SEMA5A: variants seen among roughly 807,000 people sequenced by gnomAD.
The protein encoded by SEMA5A is semaphorin-5A.
A neutral mutation model predicts 135.5 loss-of-function variants in SEMA5A; 55 were observed. The ratio of observed to expected loss-of-function variants is 0.41; its 90% CI spans 0.33 to 0.51. The LOEUF (loss-of-function observed/expected upper bound fraction) is 0.51, where lower values mean the gene tolerates loss of function less well. Ranked by LOEUF, SEMA5A falls within the 20% of genes least tolerant of loss-of-function variation. The pLI is 0.37. For missense variants in SEMA5A, 1,290 were observed against 1,419.9 expected (o/e 0.91, Z 1.47); for synonymous variants, 580 against 546.5 (o/e 1.06, Z -0.85).
chr5:9,094,033 A>C (rs994287919), intron 16 of SEMA5A, among the ~76,000 whole-genome samples: 3 of 152,198 alleles, frequency 2.0e-5, no homozygotes, highest in African/African-American at 7.2e-5. Flanking sequence ...GTGTTCTCTC[A>C]TAATTGCTCT....
chr5:9,184,802 A>C (rs1744718946), intron 11 of SEMA5A, among the ~76,000 whole-genome samples: 1 of 152,018 alleles, frequency 6.6e-6, no homozygotes, highest in Non-Finnish European at 1.5e-5. Flanking sequence ...TTTGTGGCAC[A>C]TGTCCTGCTC....
chr5:9,160,262 G>A (rs1743179978), intron 11 of SEMA5A, among the ~76,000 whole-genome samples: 1 of 152,114 alleles, frequency 6.6e-6, no homozygotes, highest in African/African-American at 2.4e-5. Context: ...AGGACAAGCA[G>A]AGGCACATCT....
chr5:9,183,116 A>G (rs992965471), intron 11 of SEMA5A, among the ~76,000 whole-genome samples: 1 of 152,104 alleles, frequency 6.6e-6, no homozygotes, highest in Non-Finnish European at 1.5e-5. Context: ...TGGGGGTGCA[A>G]TCCCAGGGCT....
intron 8 of SEMA5A, among the ~76,000 whole-genome samples, chr5:9,221,494 G>C (rs40672): frequency 1.8e-4 from 27 of 150,220 alleles, no homozygotes; most frequent in Non-Finnish European, 2.8e-4. Context: ...AGTAGAGACG[G>C]GGTTTCACAG....
At chr5:9,210,129 T>A (rs963632239) in intron 8 of SEMA5A, among the ~76,000 whole-genome samples, 1 of 152,214 alleles carries the variant, frequency 6.6e-6, no homozygotes, top group East Asian at 1.9e-4. Flanking sequence ...CATGCAAGTA[T>A]CCCCATAATG....
At position 9,041,958 on chromosome 5, in the gene SEMA5A, C is replaced by CTT. The variant is rs1279120204; in HGVS notation, c.*937_*938dup. Reference sequence around the variant, plus strand: ...TAGTTATAATTTAGTATTTTCAATACTTTCACTAATTGACATCATAAATGT... The same window carrying CTT: ...TAGTTATAATTTAGTATTTTCAATACTTTTTCACTAATTGACATCATAAATGT... On this transcript the variant is annotated 3_prime_UTR_variant, in exon 23 of 23. Coordinates refer to ENST00000382496, the MANE Select transcript of SEMA5A (RefSeq NM_003966.3). 1 of 152,536 alleles carries CTT rather than the reference C, an allele frequency of 6.6e-6. No individual in the cohort carries two copies. The highest frequency in any genetic ancestry group is 2.4e-5 in the African/African-American group (1 of 41,430). 9.4% of individuals were successfully genotyped at this position (152,536 alleles called of 1,614,324 possible).
intron 2 of SEMA5A, among the ~76,000 whole-genome samples, chr5:9,424,227 G>C (rs534644804): frequency 6.6e-6 from 1 of 152,188 alleles, no homozygotes; most frequent in Non-Finnish European, 1.5e-5. Context: ...ATATTTCATT[G>C]TAAGAGTCTG....
At chr5:9,162,561 T>TAC in intron 11 of SEMA5A, among the ~76,000 whole-genome samples, 1 of 35,742 alleles carries the variant, frequency 2.8e-5, no homozygotes, top group African/African-American at 1.1e-4. Context: ...TGTGTGTGTG[T>TAC]GTGTATATAT....
In SEMA5A at chr5:9,154,572, T is replaced by C. The variant is rs908757007; in HGVS notation, c.1397A>G (p.His466Arg). ...GCCCACGAACAGGACACTCTGGCTG[T>C]GCAGGATCTGCAGGCTCCTGATGGG... ...REPIRSLQIL[H>R]SQSVLFVGLR... The change falls in exon 12 of 23, where the codon CAC becomes CGC. Residue 466 changes from histidine to arginine, a missense_variant. Coordinates refer to ENST00000382496, the MANE Select transcript of SEMA5A (RefSeq NM_003966.3). 2.5e-6 allele frequency: 4 copies of C among 1,613,524 alleles called. No homozygotes were observed. Among genetic ancestry groups the C allele is most frequent in the East Asian group, 2.2e-5 (1 of 44,862 alleles).
intron 4 of SEMA5A, among the ~76,000 whole-genome samples, chr5:9,334,039 C>T (rs147506690): frequency 2.6e-5 from 4 of 152,062 alleles, no homozygotes; most frequent in Non-Finnish European, 5.9e-5. Context: ...AAGTACCTTC[C>T]GATTCTCCAT....
At chr5:9,535,291 T>G (rs1737698567) in intron 1 of SEMA5A, among the ~76,000 whole-genome samples, 1 of 152,258 alleles carries the variant, frequency 6.6e-6, no homozygotes, top group African/African-American at 2.4e-5. Context: ...TGATTTCTTT[T>G]CGCAAGCTGG....
chr5:9,062,714 G>A (rs1737249310), intron 18 of SEMA5A, among the ~76,000 whole-genome samples, 173 bp downstream of exon 18: 1 of 152,112 alleles, frequency 6.6e-6, no homozygotes, highest in Non-Finnish European at 1.5e-5. Flanking sequence ...CCCCTCTCTG[G>A]CCTCACAAAG....
chr5:9,389,214 C>T (rs1176291005), intron 2 of SEMA5A, among the ~76,000 whole-genome samples: 1 of 152,116 alleles, frequency 6.6e-6, no homozygotes, highest in Admixed American at 6.5e-5. Flanking sequence ...TCACATCTGG[C>T]ATTCTCCTCG....
chr5:9,304,499 A>T (rs1316893148), intron 5 of SEMA5A, among the ~76,000 whole-genome samples: 2 of 109,674 alleles, frequency 1.8e-5, no homozygotes, highest in African/African-American at 5.7e-5. Context: ...CAATTCATAA[A>T]GAAATCTGCA....
chr5:9,424,525 C>G (rs1193208810), intron 2 of SEMA5A, among the ~76,000 whole-genome samples: 2 of 152,216 alleles, frequency 1.3e-5, no homozygotes, highest in Non-Finnish European at 2.9e-5. Context: ...ATACACAGCT[C>G]TATTCCCAAT....
chr5:9,388,704 C>T (rs182283451), intron 2 of SEMA5A, among the ~76,000 whole-genome samples: 459 of 152,126 alleles, frequency 3.0e-3, no homozygotes, highest in Middle Eastern at 0.01. Context: ...TCAAGACCAT[C>T]CTGGCTAACA....
At chr5:9,231,317 A>G (rs147812520) in intron 6 of SEMA5A, among the ~76,000 whole-genome samples, 1 of 152,180 alleles carries the variant, frequency 6.6e-6, no homozygotes, top group East Asian at 1.9e-4. Context: ...TACAAAAGTT[A>G]GCCAAGTGTG....
At chr5:9,229,072 C>T (rs765900940) in intron 6 of SEMA5A, among the ~76,000 whole-genome samples, 8 of 152,144 alleles carry the variant, frequency 5.3e-5, no homozygotes, top group Admixed American at 4.6e-4. Flanking sequence ...ATTACAGGTG[C>T]GAGCACCACT....
intron 16 of SEMA5A, among the ~76,000 whole-genome samples, chr5:9,084,656 CTCTT>C (rs1265739563): frequency 6.6e-6 from 1 of 152,120 alleles, no homozygotes; most frequent in Non-Finnish European, 1.5e-5. Context: ...TCCAATAAAC[CTCTT>C]TCTTTTGTAA....
Sources: gnomAD v4.1 joint callset for allele counts (sites outside exome capture counted in the v4.1 genomes callset) on GRCh38, gnomAD v4.1.1 for gene constraint, MANE v1.5 for transcripts, NCBI Gene and HGNC (gene_info 2026-07-23, HGNC 2026-07-21) for gene names.